AGBL2: variants seen among roughly 807,000 people sequenced by gnomAD.
AGBL2 encodes cytosolic carboxypeptidase 2.
AGBL2 carries 87 observed loss-of-function variants against 103.0 expected under a neutral mutation model. The ratio of observed to expected loss-of-function variants is 0.84; its 90% confidence interval spans 0.71 to 1.01. The LOEUF (loss-of-function observed/expected upper bound fraction) is 1.01. AGBL2 is among the 50% of genes least tolerant of loss of function. The pLI is 0.00. For synonymous variants in AGBL2, 335 were observed against 356.7 expected (o/e 0.94, Z 0.69); for missense variants, 904 against 1,023.5 (o/e 0.88, Z 1.59).
rs749927145 is a variant in AGBL2, at chr11:47,704,613, G to A, written c.516C>T (p.Thr172=). 1.2e-6 allele frequency: 2 copies of A among 1,614,028 alleles called. No homozygotes were observed. The highest frequency in any genetic ancestry group is 2.2e-5 in the South Asian group (2 of 91,082). Residue 172 remains threonine (T), a synonymous_variant, in exon 7 of 19, where the codon ACC becomes ACT. Transcript: ENST00000525123. ...ATCTTGGAGCCTGCAGTGGCCTCTT[G>A]GTAGACAAAATGGAAAAGAGCTCTT... is the stretch of plus-strand genomic sequence containing the variant. ...EPQELFSILS[T]KRPLQAPRWP...
intron 11 of AGBL2, among the ~76,000 whole-genome samples, chr11:47,685,092 C>T (rs1206482489): frequency 1.3e-5 from 2 of 152,082 alleles, no homozygotes; most frequent in Non-Finnish European, 2.9e-5. Flanking sequence ...TGCCTGTACT[C>T]TCAACTACTC....
chr11:47,678,461 G>A (rs1219027593), intron 13 of AGBL2, among the ~76,000 whole-genome samples: 4 of 150,148 alleles, frequency 2.7e-5, no homozygotes, highest in African/African-American at 4.9e-5. Context: ...AGCCTCCCGA[G>A]CAGCTGGGAT....
chr11:47,714,240 CTT>C (rs780020235), intron 3 of AGBL2, 42 bp downstream of exon 3: 6 of 1,521,944 alleles, frequency 3.9e-6, no homozygotes, highest in East Asian at 2.3e-5. Context: ...CAATTTTCCT[CTT>C]GAGTCCAGGA....
intron 10 of AGBL2, among the ~76,000 whole-genome samples, chr11:47,688,326 A>G (rs896648332): frequency 6.6e-6 from 1 of 152,090 alleles, no homozygotes; most frequent in Non-Finnish European, 1.5e-5. Context: ...AAGGAAGTGC[A>G]AAAAAGCCTA....
At chr11:47,693,920 T>TGCCTGTACA (rs2097457415) in intron 8 of AGBL2, among the ~76,000 whole-genome samples, 1 of 152,130 alleles carries the variant, frequency 6.6e-6, no homozygotes, top group African/African-American at 2.4e-5. Context: ...CTAGGTGTAG[T>TGCCTGTACA]GGCTCATGCC....
intron 9 of AGBL2, among the ~76,000 whole-genome samples, chr11:47,691,219 G>A (rs1297222120): frequency 2.6e-5 from 4 of 151,724 alleles, no homozygotes; most frequent in Non-Finnish European, 5.9e-5. Context: ...AGCTGAGATC[G>A]TGCCATTGCT....
intron 12 of AGBL2, among the ~76,000 whole-genome samples, 174 bp downstream of exon 12, chr11:47,681,795 C>T (rs1442281133): frequency 1.3e-5 from 2 of 152,170 alleles, no homozygotes; most frequent in Non-Finnish European, 2.9e-5. Context: ...GCCATACTGC[C>T]TCATCAAATA....
At chr11:47,665,450 C>G (rs1334097862) in intron 17 of AGBL2, among the ~76,000 whole-genome samples, 1 of 152,026 alleles carries the variant, frequency 6.6e-6, no homozygotes, top group Non-Finnish European at 1.5e-5. Flanking sequence ...CCTCTCTCAG[C>G]CTTCCAAAGT....
Position 47,685,995 on chromosome 11 carries a change from A to T in AGBL2, c.1686T>A (p.Arg562=). The T allele has an allele frequency of 1.2e-6, 2 of 1,614,066 alleles. No homozygotes were observed. The highest frequency in any genetic ancestry group is 1.7e-6 in the Non-Finnish European group (2 of 1,179,966). ...AGCCATACAGGAAGATATTATTCTT[A>T]CGACTGTGGCCATGGAAATCACAAT... ...LLYCDFHGHS[R]KNNIFLYGCN... The change falls in exon 11 of 19, where the codon CGT becomes CGA. Residue 562 remains arginine (R), a synonymous_variant. Coordinates refer to ENST00000525123, the MANE Select transcript of AGBL2 (RefSeq NM_024783.4).
In AGBL2 at chr11:47,668,874, A is replaced by G. The variant is rs768600821; in HGVS notation, c.2181T>C (p.Gly727=). The G allele has an allele frequency of 5.0e-6, 8 of 1,613,576 alleles. No homozygotes were observed. Among genetic ancestry groups the G allele is most frequent in the South Asian group, 1.1e-5 (1 of 91,064 alleles). The change falls in exon 15 of 19, where the codon GGT becomes GGC. Residue 727 remains glycine, a synonymous_variant. Transcript: ENST00000525123. ...CTATGTTTGCTAGGTGAACAGGAAG[A>G]CCATCTGAGAGAGAACTGTCAGAGC... The part of the protein sequence containing the change: ...TSGSDSSLSD[G]LPVHLANIAD...
chr11:47,692,096 TACTC>T lies in AGBL2; in HGVS notation c.848+3_848+6del, dbSNP rs2097449775. The T allele has an allele frequency of 6.2e-7, 1 of 1,605,898 alleles. No homozygotes were observed. Among genetic ancestry groups the T allele is most frequent in the Non-Finnish European group, 8.5e-7 (1 of 1,174,154 alleles). On this transcript the variant is annotated splice_donor_5th_base_variant and intron_variant, in intron 9 of 18. Transcript: ENST00000525123. ...AATTATCATCCCTTTGAGAAATTGT[TACTC>T]ACACTCTGACAGCTTTTTGCAGATT...
chr11:47,683,762 C>T (rs1045050389), intron 11 of AGBL2, among the ~76,000 whole-genome samples: 11 of 148,920 alleles, frequency 7.4e-5, no homozygotes, highest in Admixed American at 3.4e-4. Context: ...CAGAGTGAGA[C>T]TCCATCTCAA....
chr11:47,695,933 G>A (rs1466387047), intron 8 of AGBL2, among the ~76,000 whole-genome samples: 1 of 148,010 alleles, frequency 6.8e-6, no homozygotes, highest in Non-Finnish European at 1.5e-5. Flanking sequence ...GGGAGGCGGA[G>A]GCAGGTGGAT....
At chr11:47,676,836 A>G (rs1286021930) in intron 14 of AGBL2, among the ~76,000 whole-genome samples, 1 of 146,730 alleles carries the variant, frequency 6.8e-6, no homozygotes, top group Non-Finnish European at 1.5e-5. Context: ...AAAAAAAAAG[A>G]AACTAAAACC....
At chr11:47,672,913 G>T (rs1237350914) in intron 14 of AGBL2, among the ~76,000 whole-genome samples, 1 of 152,166 alleles carries the variant, frequency 6.6e-6, no homozygotes, top group Admixed American at 6.6e-5. Context: ...CCTGAAAGCA[G>T]CTGGGTCATC....
At chr11:47,710,541 T>C (rs2097533786) in intron 3 of AGBL2, 30 bp from the exon 4 acceptor site, 2 of 1,612,282 alleles carry the variant, frequency 1.2e-6, no homozygotes, top group Non-Finnish European at 1.7e-6. Context: ...TTAAAGTTGC[T>C]GGAAGGCCGA....
intron 15 of AGBL2, 62 bp downstream of exon 15, chr11:47,668,779 T>C (rs1411676029): frequency 1.6e-6 from 2 of 1,285,890 alleles, no homozygotes; most frequent in African/African-American, 1.5e-5. Flanking sequence ...CAACAAATTG[T>C]CTGGTAGTGT....
intron 2 of AGBL2, 92 bp from the exon 3 acceptor site, chr11:47,714,439 G>A (rs2097544364): frequency 7.3e-7 from 1 of 1,378,104 alleles, no homozygotes; most frequent in Non-Finnish European, 1.0e-6. Context: ...CATAGGACTA[G>A]ACTAAACCAA....
At chr11:47,700,501 C>T (rs536148482) in intron 7 of AGBL2, among the ~76,000 whole-genome samples, 22 of 151,988 alleles carry the variant, frequency 1.4e-4, no homozygotes, top group Non-Finnish European at 2.6e-4. Context: ...ATCGCTCTAA[C>T]CTGGGAGGCG....
Sources: gnomAD v4.1 joint callset for allele counts (sites outside exome capture counted in the v4.1 genomes callset) on GRCh38, gnomAD v4.1.1 for gene constraint, MANE v1.5 for transcripts, NCBI Gene and HGNC (gene_info 2026-07-23, HGNC 2026-07-21) for gene names.